Variants in BICC1 observed in about 807,000 individuals in gnomAD.
BICC1 encodes the protein protein bicaudal C homolog 1.
Under a neutral mutation model 111.0 loss-of-function variants are expected in BICC1, and 43 were observed. The observed-to-expected ratio is 0.39, with a 90% CI of 0.30 to 0.50. BICC1 has a LOEUF of 0.50. Ranked by LOEUF, BICC1 falls within the 20% of genes least tolerant of loss-of-function variation. The probability of loss-of-function intolerance (pLI) is 0.88; values close to 1 mark genes in which losing one functional copy is unlikely to be tolerated. For missense variants in BICC1, 1,091 were observed against 1,203.2 expected (o/e 0.91, Z 1.38); for synonymous variants, 467 against 434.4 (o/e 1.07, Z -0.93).
rs1224129926 is a variant in BICC1 at position 58,611,774 on chromosome 10, G to A, written c.191-9081G>A. On this transcript the variant is annotated intron_variant, in intron 1 of 20. Coordinates refer to ENST00000373886, the MANE Select transcript of BICC1 (RefSeq NM_001080512.3). ...CAAAGTGCTGGGATTGCAGGTGTGA[G>A]CCACTGTGCCCAGCCTGTACATTCT... is the stretch of plus-strand genomic sequence containing the variant. 4.6e-5 allele frequency among the ~76,000 whole-genome samples: 7 copies of A among 151,984 alleles called. No homozygotes were observed. The South Asian group carries it at 1.5e-3, about 32-fold the overall frequency.
chr10:58,556,751 T>C (rs931115239), intron 1 of BICC1, among the ~76,000 whole-genome samples: 2 of 152,090 alleles, frequency 1.3e-5, no homozygotes, highest in South Asian at 2.1e-4. Context: ...CAAAAGGTAA[T>C]GGCCTAGGCA....
rs776148186 is a variant in BICC1, at chr10:58,813,822, G to A, written c.2377-8G>A. The A allele has an allele frequency of 6.2e-6, 10 of 1,612,946 alleles. No individual in the cohort carries two copies. In the Admixed American group the frequency reaches 1.0e-4, roughly 16 times the overall value. On this transcript the variant is annotated splice_polypyrimidine_tract_variant and splice_region_variant and intron_variant, in intron 17 of 20. Coordinates refer to ENST00000373886, the MANE Select transcript of BICC1 (RefSeq NM_001080512.3). ...AATATTTCCTTATCTGGCTTTGTCTGTTTACAGGGCTCATCCATGTCCCTT... is the reference window on the plus strand; with the variant it reads ...AATATTTCCTTATCTGGCTTTGTCTATTTACAGGGCTCATCCATGTCCCTT...
At chr10:58,806,971 A>C in intron 16 of BICC1, 33 bp from the exon 17 acceptor site, 2 of 1,591,202 alleles carry the variant, frequency 1.3e-6, no homozygotes, top group Non-Finnish European at 1.7e-6. Context: ...TGCATTAAAC[A>C]TACCAAGCAT....
In BICC1 at chr10:58,708,119, C is replaced by G. The variant is rs536256489; in HGVS notation, c.307+5976C>G. ...ATGGCCTCCCAAAGTGCTGGGATTA[C>G]AGGTGTGAGCCACCGCGCCTAGCCA... On this transcript the variant is annotated intron_variant, in intron 3 of 20. Coordinates refer to ENST00000373886, the MANE Select transcript of BICC1 (RefSeq NM_001080512.3). Among the ~76,000 whole-genome samples the G allele has an allele frequency of 1.1e-4, 16 of 147,790 alleles. No homozygotes were observed. In the South Asian group the frequency reaches 3.5e-3, roughly 33 times the overall value.
chr10:58,747,408 G>A (rs936549707), intron 3 of BICC1, among the ~76,000 whole-genome samples: 1 of 152,112 alleles, frequency 6.6e-6, no homozygotes, highest in East Asian at 1.9e-4. Context: ...AATAAATGAT[G>A]TAAGAGATAA....
chr10:58,786,960 C>G lies in BICC1; in HGVS notation c.425C>G (p.Thr142Arg). 6.2e-7 allele frequency: 1 copy of G among 1,601,952 alleles called. No individual in the cohort carries two copies. The highest frequency in any genetic ancestry group is 8.5e-7 in the Non-Finnish European group (1 of 1,175,902). The stretch of plus-strand genomic sequence containing the variant: ...ACACTGAAGATGGATGTTTCACATA[C>G]AGAACATTCACATGTAATCGGCAAA... ...RVTLKMDVSH[T>R]EHSHVIGKGG... The change falls in exon 5 of 21, where the codon ACA becomes AGA. Residue 142 changes from threonine (T) to arginine (R), a missense_variant. Coordinates refer to ENST00000373886, the MANE Select transcript of BICC1 (RefSeq NM_001080512.3).
intron 3 of BICC1, among the ~76,000 whole-genome samples, chr10:58,724,201 A>G (rs1044492613): frequency 1.2e-4 from 18 of 152,244 alleles, no homozygotes; most frequent in African/African-American, 4.3e-4. Context: ...ATTACATCAT[A>G]GGTTGAAAGA....
In BICC1 at chr10:58,828,897, C is replaced by A. The variant is rs762152251; in HGVS notation, c.*6C>A. ...GTGTCAGTGGCCGCTGGTAGCAGCA[C>A]CCTCTTGGCACATGCCCGCTGACTA... On this transcript the variant is annotated 3_prime_UTR_variant, in exon 21 of 21. Coordinates refer to ENST00000373886, the MANE Select transcript of BICC1 (RefSeq NM_001080512.3). 42 of 1,613,536 alleles carry A rather than the reference C, an allele frequency of 2.6e-5. 1 individual carries two copies. In the African/African-American group the frequency reaches 5.1e-4, roughly 19 times the overall value.
intron 1 of BICC1, among the ~76,000 whole-genome samples, chr10:58,551,501 A>C (rs1235604764): frequency 6.6e-6 from 1 of 152,208 alleles, no homozygotes; most frequent in Non-Finnish European, 1.5e-5. Flanking sequence ...TGGTGAACAC[A>C]TTTAAAATCT....
intron 1 of BICC1, among the ~76,000 whole-genome samples, chr10:58,562,879 A>G (rs1280626489): frequency 2.0e-5 from 3 of 152,122 alleles, no homozygotes; most frequent in Non-Finnish European, 4.4e-5. Context: ...TGTGTCTGCA[A>G]GTGCCTCAGT....
intron 2 of BICC1, among the ~76,000 whole-genome samples, chr10:58,693,630 C>T (rs1411088684): frequency 6.6e-6 from 1 of 151,350 alleles, no homozygotes; most frequent in South Asian, 2.1e-4. Context: ...AGCATTTTTT[C>T]ATGTGTCTTT....
chr10:58,766,452 T>A (rs1842458314), intron 3 of BICC1, among the ~76,000 whole-genome samples: 1 of 152,224 alleles, frequency 6.6e-6, no homozygotes, highest in African/African-American at 2.4e-5. Flanking sequence ...TACACTTTTT[T>A]ATTTAGTGAT....
intron 1 of BICC1, among the ~76,000 whole-genome samples, chr10:58,547,605 T>C (rs1053834353): frequency 6.6e-6 from 1 of 152,198 alleles, no homozygotes; most frequent in Admixed American, 6.5e-5. Context: ...GGAGAGTATC[T>C]ACATCAACTA....
chr10:58,712,398 A>G (rs969006852), intron 3 of BICC1, among the ~76,000 whole-genome samples: 3 of 152,230 alleles, frequency 2.0e-5, no homozygotes, highest in African/African-American at 4.8e-5. Context: ...AAACCTGCAC[A>G]TGGAACAGAA....
At chr10:58,579,432 T>C (rs1296399324) in intron 1 of BICC1, among the ~76,000 whole-genome samples, 1 of 152,234 alleles carries the variant, frequency 6.6e-6, no homozygotes, top group Non-Finnish European at 1.5e-5. Context: ...ATGGCTTGTG[T>C]GCGTGCAGGC....
At chr10:58,688,222 C>T (rs1448153032) in intron 2 of BICC1, among the ~76,000 whole-genome samples, 2 of 152,086 alleles carry the variant, frequency 1.3e-5, no homozygotes, top group East Asian at 3.9e-4. Context: ...GCTGCTGGCT[C>T]GGGTGGCCAG....
At chr10:58,550,781 G>A (rs562550627) in intron 1 of BICC1, among the ~76,000 whole-genome samples, 1 of 152,152 alleles carries the variant, frequency 6.6e-6, no homozygotes, top group Non-Finnish European at 1.5e-5. Flanking sequence ...TCTGTGTCTT[G>A]TTCCATTGAC....
At chr10:58,543,277 C>A (rs1843044907) in intron 1 of BICC1, among the ~76,000 whole-genome samples, 1 of 152,112 alleles carries the variant, frequency 6.6e-6, no homozygotes, top group Non-Finnish European at 1.5e-5. Flanking sequence ...ACACATACCA[C>A]ATGATTCCAC....
intron 1 of BICC1, among the ~76,000 whole-genome samples, chr10:58,549,839 T>C (rs1023195816): frequency 6.6e-6 from 1 of 151,406 alleles, no homozygotes; most frequent in African/African-American, 2.4e-5. Context: ...ATGTGCACCA[T>C]TGTGCCCGGC....
Sources: allele counts gnomAD v4.1 joint callset (sites outside exome capture counted in the v4.1 genomes callset), GRCh38; gene constraint gnomAD v4.1.1; transcripts MANE v1.5; gene names NCBI Gene and HGNC (gene_info 2026-07-23, HGNC 2026-07-21).